Variants in SERPINB13 observed in about 807,000 individuals in gnomAD.
SERPINB13 encodes serpin family B member 13.
SERPINB13 carries 26 observed loss-of-function variants against 31.2 expected under a neutral mutation model. That is an observed-to-expected ratio of 0.83 (90% CI 0.61 to 1.15). SERPINB13 has a LOEUF of 1.15. SERPINB13 is among the 50% of genes most tolerant of loss of function. The probability of loss-of-function intolerance (pLI) is 0.00; values close to 1 mark genes in which losing one functional copy is unlikely to be tolerated. For missense variants in SERPINB13, 510 were observed against 469.4 expected (o/e 1.09, Z -0.80); for synonymous variants, 191 against 172.4 (o/e 1.11, Z -0.85).
intron 7 of SERPINB13, among the ~76,000 whole-genome samples, chr18:63,595,691 A>T (rs1912123498): frequency 1.3e-5 from 2 of 152,128 alleles, no homozygotes; most frequent in Middle Eastern, 3.4e-3. Flanking sequence ...CGAGGTCAGG[A>T]GATCGAGACC....
chr18:63,597,339 C>T lies in SERPINB13; in HGVS notation c.1152C>T (p.Phe384=). 6.2e-7 allele frequency: 1 copy of T among 1,613,152 alleles called. No homozygotes were observed. Residue 384 remains phenylalanine, a synonymous_variant, in exon 8 of 8, where the codon TTC becomes TTT. Transcript: ENST00000344731. ...ACAATGAATCCAACAGCATCCTCTT[C>T]TTCGGCAGATTTTCTTCTCCTTAAG... ...IRHNESNSIL[F]FGRFSSP
chr18:63,592,524 C>T (rs763298788), intron 4 of SERPINB13, 48 bp downstream of exon 4: 1 of 1,589,510 alleles, frequency 6.3e-7, no homozygotes, highest in South Asian at 1.1e-5. Flanking sequence ...TCTGGAATGG[C>T]CAAATGGCCC....
chr18:63,597,229 G>T lies in SERPINB13; in HGVS notation c.1042G>T (p.Ala348Ser), dbSNP rs1359643050. The T allele has an allele frequency of 5.0e-6, 8 of 1,614,210 alleles. No individual in the cohort carries two copies. The highest frequency in any genetic ancestry group is 1.7e-5 in the Admixed American group (1 of 60,026). Residue 348 changes from alanine to serine, a missense_variant, in exon 8 of 8, where the codon GCC becomes TCC. By Grantham distance (99) the Ala-to-Ser change is moderately conservative. Transcript: ENST00000344731. ...VTEEGTEAAA[A>S]TGIGFTVTSA... ...TGAGGAAGGCACCGAGGCTGCAGCT[G>T]CCACCGGCATAGGCTTTACTGTCAC...
chr18:63,596,890 A>C (rs1568149308), intron 7 of SERPINB13, 69 bp from the exon 8 acceptor site: 4 of 1,268,724 alleles, frequency 3.2e-6, no homozygotes, highest in Non-Finnish European at 4.4e-6. Flanking sequence ...ACTGACACAA[A>C]TCAGTGTTAC....
intron 5 of SERPINB13, chr18:63,594,147 T>C: frequency 6.8e-7 from 1 of 1,471,216 alleles, no homozygotes; most frequent in Non-Finnish European, 9.1e-7. Context: ...ACCATGAACC[T>C]TAATTTATCC....
rs1245208269 is a variant in SERPINB13, at chr18:63,588,678, T to G, written c.11T>G (p.Leu4Arg). The G allele has an allele frequency of 2.5e-6, 4 of 1,614,178 alleles. No individual in the cohort carries two copies. Among genetic ancestry groups the G allele is most frequent in the South Asian group, 2.2e-5 (2 of 91,086 alleles). ...CTCGCTAAAATCATCATGGATTCAC[T>G]TGGCGCCGTCAGCACTCGACTTGGG... is the stretch of plus-strand genomic sequence containing the variant. MDS[L>R]GAVSTRLGFD... The change falls in exon 2 of 8, where the codon CTT becomes CGT. Residue 4 changes from leucine to arginine, a missense_variant. Physicochemically the swap from Leu to Arg is moderately radical, Grantham distance 102. Transcript: ENST00000344731.
intron 3 of SERPINB13, among the ~76,000 whole-genome samples, chr18:63,590,814 G>A (rs752534201): frequency 2.6e-5 from 4 of 152,150 alleles, no homozygotes; most frequent in African/African-American, 9.7e-5. Flanking sequence ...GGAGCCACAG[G>A]GGTATGAAGA....
At chr18:63,594,896 G>A (rs543220815) in intron 6 of SERPINB13, 133 bp from the exon 7 acceptor site, 12 of 822,054 alleles carry the variant, frequency 1.5e-5, no homozygotes, top group Non-Finnish European at 2.2e-5. Flanking sequence ...GTAGATAGTG[G>A]ATGCTCATTC....
At chr18:63,591,549 A>C (rs1256027471) in intron 3 of SERPINB13, among the ~76,000 whole-genome samples, 1 of 152,028 alleles carries the variant, frequency 6.6e-6, no homozygotes, top group Non-Finnish European at 1.5e-5. Flanking sequence ...GTCCCAAGCT[A>C]TCCAGTATAG....
At chr18:63,589,451 T>TCA (rs112829867) in intron 2 of SERPINB13, among the ~76,000 whole-genome samples, 9,402 of 111,812 alleles carry the variant, frequency 0.084, 407 homozygotes, top group African/African-American at 0.14. Context: ...CAAAACTCCA[T>TCA]CACACACACA....
Position 63,595,155 on chromosome 18 carries a change from C to T in SERPINB13, c.742C>T (p.Leu248=). 1.2e-6 allele frequency: 2 copies of T among 1,613,696 alleles called. No individual in the cohort carries two copies. Among genetic ancestry groups the T allele is most frequent in the Non-Finnish European group, 1.7e-6 (2 of 1,179,848 alleles). Residue 248 remains leucine (L), a synonymous_variant, in exon 7 of 8, where the codon CTG becomes TTG. Transcript: ENST00000344731. ...KNNDLSMFVL[L]PNDIDGLEKI... The stretch of plus-strand genomic sequence containing the variant: ...CAACGACCTAAGCATGTTTGTGCTT[C>T]TGCCCAACGACATCGATGGCCTGGA...
At chr18:63,589,556 C>T in intron 2 of SERPINB13, 100 bp from the exon 3 acceptor site, 2 of 1,440,652 alleles carry the variant, frequency 1.4e-6, no homozygotes, top group African/African-American at 1.4e-5. Context: ...CCTCATATAC[C>T]ACCGAGGTTT....
At chr18:63,594,145 C>T (rs752250469) in intron 5 of SERPINB13, 9 of 1,467,668 alleles carry the variant, frequency 6.1e-6, no homozygotes, top group Non-Finnish European at 7.3e-6. Flanking sequence ...TAACCATGAA[C>T]CTTAATTTAT....
In SERPINB13 at chr18:63,592,337, T is replaced by A; in HGVS notation, c.226-11T>A. The stretch of plus-strand genomic sequence containing the variant: ...AAGATAACCTGTTGAGATTTTGTTT[T>A]AATTTTCAAGATTGAGAACACAGAA... On this transcript the variant is annotated splice_polypyrimidine_tract_variant and intron_variant, in intron 3 of 7. Transcript: ENST00000344731. The A allele has an allele frequency of 6.2e-7, 1 of 1,605,470 alleles. No individual in the cohort carries two copies. The highest frequency in any genetic ancestry group is 1.1e-5 in the South Asian group (1 of 89,240).
Position 63,589,703 on chromosome 18 carries a change from A to G in SERPINB13, c.213A>G (p.Glu71=). The G allele has an allele frequency of 6.2e-7, 1 of 1,613,512 alleles. No homozygotes were observed. The highest frequency in any genetic ancestry group is 8.5e-7 in the Non-Finnish European group (1 of 1,179,434). The change falls in exon 3 of 8, where the codon GAA becomes GAG. Residue 71 remains glutamate (E), a synonymous_variant. Transcript: ENST00000344731. ...KETKSSRIKA[E]EKEVIENTEA... ...CGAAGAGCTCAAGAATAAAGGCTGA[A>G]GAAAAAGAGGTGGTAAGAATAAAGG...
chr18:63,588,604 A>G, intron 1 of SERPINB13, 47 bp from the exon 2 acceptor site: 1 of 1,557,566 alleles, frequency 6.4e-7, no homozygotes, highest in Non-Finnish European at 8.8e-7. Context: ...CCCCTGACAC[A>G]GAGTAATTCA....
In SERPINB13 at chr18:63,587,469, T is replaced by G. The variant is rs777287471; in HGVS notation, c.-18+19T>G. 1 of 470,896 alleles carries G rather than the reference T, an allele frequency of 2.1e-6. No homozygotes were observed. Among genetic ancestry groups the G allele is most frequent in the South Asian group, 1.5e-5 (1 of 64,556 alleles). 29.2% of individuals were successfully genotyped at this position (470,896 alleles called of 1,614,324 possible). ...ACCCGAGGTAAGTTCTTATTTTGGC[T>G]CCAATTTAAGACCTCTGTATTTTGA... On this transcript the variant is annotated intron_variant, in intron 1 of 7. Coordinates refer to ENST00000344731, the MANE Select transcript of SERPINB13 (RefSeq NM_012397.4).
In SERPINB13 at chr18:63,588,641, G is replaced by A; in HGVS notation, c.-17-10G>A. ...ATGTTCAGTTTTGATTGTTGTTCTT[G>A]CTATTCTAGGTCTCGCTAAAATCAT... On this transcript the variant is annotated splice_polypyrimidine_tract_variant and intron_variant, in intron 1 of 7. Transcript: ENST00000344731. The A allele has an allele frequency of 1.2e-6, 2 of 1,612,742 alleles. No homozygotes were observed. The highest frequency in any genetic ancestry group is 1.7e-6 in the Non-Finnish European group (2 of 1,178,872).
At chr18:63,596,826 A>T (rs535708842) in intron 7 of SERPINB13, 133 bp from the exon 8 acceptor site, 1 of 690,818 alleles carries the variant, frequency 1.4e-6, no homozygotes, top group East Asian at 2.8e-5. Context: ...TAAAGACAAC[A>T]ATCTAGTGAA....
Sources: gnomAD v4.1 joint callset for allele counts (sites outside exome capture counted in the v4.1 genomes callset) on GRCh38, gnomAD v4.1.1 for gene constraint, MANE v1.5 for transcripts, NCBI Gene and HGNC (gene_info 2026-07-23, HGNC 2026-07-21) for gene names.